FHOD3: variants seen among roughly 807,000 people sequenced by gnomAD.
The protein encoded by FHOD3 is formin homology 2 domain containing 3, also known as FH1/FH2 domain-containing protein 3.
In FHOD3, 90 loss-of-function variants were observed where a neutral mutation model predicts 173.0. The observed-to-expected ratio is 0.52, with a 90% CI of 0.44 to 0.62. The LOEUF (loss-of-function observed/expected upper bound fraction) is 0.62, where lower values mean the gene tolerates loss of function less well. Ranked by LOEUF, FHOD3 falls within the 20% of genes least tolerant of loss-of-function variation. The pLI is 0.00. For synonymous variants in FHOD3, 828 were observed against 823.0 expected (o/e 1.01, Z -0.10); for missense variants, 1,945 against 2,034.7 (o/e 0.96, Z 0.85).
At chr18:36,656,011 T>TGGAGTAGGATGACAAGCTGAGCATCAAG (rs1277191969) in intron 13 of FHOD3, among the ~76,000 whole-genome samples, 2 of 152,228 alleles carry the variant, frequency 1.3e-5, no homozygotes, top group African/African-American at 4.8e-5. Context: ...TTTTAGCTGC[T>TGGAGTAGGATGACAAGCTGAGCATCAAG]GGAGTAGGAT....
intron 5 of FHOD3, among the ~76,000 whole-genome samples, chr18:36,531,770 C>G (rs544516992): frequency 2.4e-4 from 37 of 152,320 alleles, no homozygotes; most frequent in Non-Finnish European, 3.4e-4. Flanking sequence ...CAGCTCCTGT[C>G]CCACGTCTTC....
At chr18:36,309,106 G>A (rs941365898) in intron 1 of FHOD3, among the ~76,000 whole-genome samples, 3 of 152,206 alleles carry the variant, frequency 2.0e-5, no homozygotes, top group Admixed American at 6.5e-5. Context: ...GGGGGCTCTC[G>A]TGGGTGGGGT....
chr18:36,357,782 C>T (rs1036708953), intron 2 of FHOD3, among the ~76,000 whole-genome samples: 8 of 152,076 alleles, frequency 5.3e-5, no homozygotes, highest in Non-Finnish European at 1.0e-4. Context: ...AAACAGACCC[C>T]GGGAATGTTA....
intron 28 of FHOD3, among the ~76,000 whole-genome samples, chr18:36,770,218 C>G (rs1235054600): frequency 6.6e-6 from 1 of 152,242 alleles, no homozygotes; most frequent in Non-Finnish European, 1.5e-5. Context: ...CTTTAGTCTC[C>G]ACTGGCTTTG....
In FHOD3 at chr18:36,763,613, G is replaced by C. The variant is rs917360349; in HGVS notation, c.4624+2831G>C. Reference sequence around the variant, plus strand: ...GTATTATACACGTTATATATAATATGTGTATTATACACGTTATATATAATA... The same window carrying C: ...GTATTATACACGTTATATATAATATCTGTATTATACACGTTATATATAATA... On this transcript the variant is annotated intron_variant, in intron 27 of 28. Coordinates refer to ENST00000590592, the MANE Select transcript of FHOD3 (RefSeq NM_001281740.3). Among the ~76,000 whole-genome samples the C allele has an allele frequency of 1.4e-5, 2 of 144,728 alleles. 1 individual carries two copies. The highest frequency in any genetic ancestry group is 3.0e-5 in the Non-Finnish European group (2 of 66,706). 94.9% of individuals were successfully genotyped at this position (144,728 alleles called of 152,430 possible).
chr18:36,699,185 G>T (rs1445617539), intron 17 of FHOD3, among the ~76,000 whole-genome samples: 1 of 152,208 alleles, frequency 6.6e-6, no homozygotes, highest in Non-Finnish European at 1.5e-5. Context: ...CCTAATATTA[G>T]ATTATAATGG....
chr18:36,340,597 C>G (rs1009905958), intron 1 of FHOD3, among the ~76,000 whole-genome samples: 8 of 150,156 alleles, frequency 5.3e-5, no homozygotes, highest in Non-Finnish European at 7.4e-5. Flanking sequence ...TTTTTTTTCC[C>G]TCTGGTTCTC....
intron 2 of FHOD3, among the ~76,000 whole-genome samples, chr18:36,357,360 A>G (rs923966187): frequency 1.3e-5 from 2 of 152,214 alleles, no homozygotes; most frequent in Non-Finnish European, 2.9e-5. Flanking sequence ...TTTTCTCAGC[A>G]TGTTTCAGGC....
chr18:36,357,461 C>G (rs1000033003), intron 2 of FHOD3, among the ~76,000 whole-genome samples: 1 of 152,292 alleles, frequency 6.6e-6, no homozygotes, highest in Admixed American at 6.5e-5. Context: ...GACCAAGGTC[C>G]TTGTTAAGAT....
At chr18:36,364,032 G>A (rs1459410027) in intron 2 of FHOD3, among the ~76,000 whole-genome samples, 2 of 152,054 alleles carry the variant, frequency 1.3e-5, no homozygotes, top group African/African-American at 2.4e-5. Context: ...ATACTCTTAG[G>A]AACCTGGGCT....
intron 1 of FHOD3, among the ~76,000 whole-genome samples, chr18:36,314,385 A>G (rs1404155061): frequency 6.6e-6 from 1 of 152,222 alleles, no homozygotes; most frequent in Non-Finnish European, 1.5e-5. Flanking sequence ...TGGTGTAAAC[A>G]AGCAAAGCAG....
At chr18:36,388,810 T>C (rs973822483) in intron 3 of FHOD3, among the ~76,000 whole-genome samples, 4 of 152,216 alleles carry the variant, frequency 2.6e-5, no homozygotes, top group African/African-American at 9.6e-5. Context: ...TTTTCTAAAG[T>C]TTCTGTTAAG....
chr18:36,451,316 C>T (rs1359530468), intron 3 of FHOD3, among the ~76,000 whole-genome samples: 1 of 152,206 alleles, frequency 6.6e-6, no homozygotes, highest in East Asian at 1.9e-4. Context: ...GCTGATGTCA[C>T]AGACTAGAGT....
At chr18:36,750,492 A>C (rs901348231) in intron 24 of FHOD3, among the ~76,000 whole-genome samples, 3 of 152,222 alleles carry the variant, frequency 2.0e-5, no homozygotes, top group African/African-American at 7.2e-5. Context: ...AAATTTAATT[A>C]GATCCCATTT....
chr18:36,628,932 G>C (rs1157710862), intron 10 of FHOD3, among the ~76,000 whole-genome samples: 3 of 152,186 alleles, frequency 2.0e-5, no homozygotes, highest in Admixed American at 2.0e-4. Flanking sequence ...ACCAAACACT[G>C]CATGGGACTT....
chr18:36,660,924 C>T (rs919865717), intron 14 of FHOD3, among the ~76,000 whole-genome samples: 3 of 152,210 alleles, frequency 2.0e-5, no homozygotes, highest in Admixed American at 1.3e-4. Flanking sequence ...TACCATCACT[C>T]TATCCACGAG....
chr18:36,730,712 A>T lies in FHOD3; in HGVS notation c.3484A>T (p.Asn1162Tyr). 6.2e-7 allele frequency: 1 copy of T among 1,614,178 alleles called. No individual in the cohort carries two copies. Among genetic ancestry groups the T allele is most frequent in the Non-Finnish European group, 8.5e-7 (1 of 1,180,002 alleles). Reference protein sequence around the residue: ...VLDSKRSNAINIGLTVLPPPR... With the variant: ...VLDSKRSNAIYIGLTVLPPPR... ...GGATTCCAAGAGGAGTAACGCCATC[A>T]ATATTGGTCTGACGGTGCTGCCCCC... Residue 1162 changes from asparagine to tyrosine, a missense_variant, in exon 20 of 29, where the codon AAT becomes TAT. Around this residue, in one of 5 missense-constraint regions of FHOD3, gnomAD observed 231 missense variants for 321.9 expected, o/e 0.72. Coordinates refer to ENST00000590592, the MANE Select transcript of FHOD3 (RefSeq NM_001281740.3).
chr18:36,616,742 A>G (rs966379920), intron 9 of FHOD3, among the ~76,000 whole-genome samples: 2 of 152,230 alleles, frequency 1.3e-5, no homozygotes, highest in Non-Finnish European at 2.9e-5. Context: ...TTCTTTAAAA[A>G]TAATTTAACC....
At chr18:36,660,455 A>G (rs2036713260) in intron 14 of FHOD3, among the ~76,000 whole-genome samples, 2 of 152,272 alleles carry the variant, frequency 1.3e-5, no homozygotes, top group Non-Finnish European at 2.9e-5. Context: ...CTGCAGGAAC[A>G]AGGGCTGCCG....
Sources: allele counts gnomAD v4.1 joint callset (sites outside exome capture counted in the v4.1 genomes callset), GRCh38; gene constraint gnomAD v4.1.1; regional missense constraint gnomAD v4.1.1; transcripts MANE v1.5; gene names NCBI Gene and HGNC (gene_info 2026-07-23, HGNC 2026-07-21).